RFFL: variants seen among roughly 807,000 people sequenced by gnomAD.
RFFL encodes E3 ubiquitin-protein ligase rififylin.
Under a neutral mutation model 40.4 loss-of-function variants are expected in RFFL, and 16 were observed. That is an observed-to-expected ratio of 0.40 (90% CI 0.27 to 0.60). The LOEUF is 0.60. RFFL is among the 20% of genes least tolerant of loss of function. RFFL has a pLI of 0.47. For synonymous variants in RFFL, 154 were observed against 167.9 expected (o/e 0.92, Z 0.64); for missense variants, 367 against 451.7 (o/e 0.81, Z 1.70).
intron 1 of RFFL, among the ~76,000 whole-genome samples, chr17:35,070,953 T>G (rs1475995665): frequency 6.6e-6 from 1 of 152,172 alleles, no homozygotes; most frequent in African/African-American, 2.4e-5. Context: ...TTGCAGCACT[T>G]TGGGAGGCCA....
intron 1 of RFFL, among the ~76,000 whole-genome samples, chr17:35,079,170 G>A (rs933033027): frequency 1.3e-5 from 2 of 152,014 alleles, no homozygotes; most frequent in Non-Finnish European, 2.9e-5. Context: ...TTACAGGCAC[G>A]CACCACCATG....
Position 35,028,799 on chromosome 17 carries a change from T to G in RFFL, c.-8-2238A>C, listed in dbSNP as rs376739762. On this transcript the variant is annotated intron_variant, in intron 1 of 6. Coordinates refer to ENST00000394597, the MANE Select transcript of RFFL (RefSeq NM_001017368.2). The stretch of plus-strand genomic sequence containing the variant: ...AGGGGAAGTAACTTCCTAGGTCAAA[T>G]AGCTCATAACCTCAGGCCTCTTCAC... 2.7e-3 allele frequency among the ~76,000 whole-genome samples: 412 copies of G among 152,060 alleles called. 12 individuals are homozygous for G. Among genetic ancestry groups the G allele is most frequent in the African/African-American group, 9.6e-3 (397 of 41,352 alleles).
chr17:35,086,475 T>C (rs1241748735), intron 1 of RFFL, among the ~76,000 whole-genome samples: 5 of 64,808 alleles, frequency 7.7e-5, no homozygotes, highest in Non-Finnish European at 1.1e-4. Flanking sequence ...GAGACCCCCA[T>C]CTCAATTAAA....
intron 1 of RFFL, among the ~76,000 whole-genome samples, chr17:35,071,560 G>A (rs2091350893): frequency 1.3e-5 from 2 of 151,976 alleles, no homozygotes; most frequent in Non-Finnish European, 2.9e-5. Context: ...AGAGGTTGCA[G>A]TGAGCTGAGA....
intron 1 of RFFL, among the ~76,000 whole-genome samples, chr17:35,059,019 T>A (rs1194113945): frequency 7.3e-6 from 1 of 136,154 alleles, no homozygotes; most frequent in African/African-American, 3.0e-5. Flanking sequence ...GAGCTAGAAT[T>A]TTTTTTTTTT....
At chr17:35,066,803 G>A (rs148736012), upstream of RFFL, among the ~76,000 whole-genome samples, 29 of 151,808 alleles carry the variant, frequency 1.9e-4, no homozygotes, top group East Asian at 4.8e-3. Flanking sequence ...AGGAATCAGT[G>A]CCTGTCTCAC....
At chr17:35,079,303 C>A (rs974634889) in intron 1 of RFFL, among the ~76,000 whole-genome samples, 1 of 152,120 alleles carries the variant, frequency 6.6e-6, no homozygotes, top group Non-Finnish European at 1.5e-5. Context: ...GGATTACAGG[C>A]GTGAGCCACC....
At chr17:35,065,271 G>C (rs2091314292), upstream of RFFL, among the ~76,000 whole-genome samples, 1 of 151,988 alleles carries the variant, frequency 6.6e-6, no homozygotes, top group Non-Finnish European at 1.5e-5. Context: ...CTTTAAATAA[G>C]AGGGCCGGGC....
At chr17:35,086,251 G>A (rs557012703) in intron 1 of RFFL, among the ~76,000 whole-genome samples, 34 of 152,174 alleles carry the variant, frequency 2.2e-4, no homozygotes, top group African/African-American at 7.0e-4. Context: ...TTGGGAGGCC[G>A]AGGCCAGAGG....
chr17:35,015,297 A>G (rs904457967), intron 5 of RFFL, among the ~76,000 whole-genome samples: 2 of 152,250 alleles, frequency 1.3e-5, no homozygotes, highest in African/African-American at 4.8e-5. Context: ...GTATTCCACC[A>G]GTTTGCACAA....
intron 1 of RFFL, among the ~76,000 whole-genome samples, chr17:35,028,648 T>C (rs1293542331): frequency 6.6e-6 from 1 of 152,044 alleles, no homozygotes; most frequent in Admixed American, 6.5e-5. Flanking sequence ...GTTCACACAA[T>C]AGAATGCTCT....
rs1294834675 is a variant in RFFL, at chr17:35,048,206, TC to T, written c.-9+15369del. On this transcript the variant is annotated intron_variant, in intron 1 of 6. Transcript: ENST00000394597. Reference sequence around the variant, plus strand: ...TCGTGAGGTCAGGAGATCAAGACCATCCTGGCTAACACGGTGAAACCCCGTC... The same window carrying T: ...TCGTGAGGTCAGGAGATCAAGACCATCTGGCTAACACGGTGAAACCCCGTC... Among the ~76,000 whole-genome samples, 3 of 150,766 alleles carry T rather than the reference TC, an allele frequency of 2.0e-5. No homozygotes were observed. In the East Asian group the frequency reaches 6.1e-4, roughly 31 times the overall value.
chr17:35,012,032 C>T lies in RFFL; in HGVS notation c.1028G>A (p.Arg343His), dbSNP rs777744327. 11 of 1,614,044 alleles carry T rather than the reference C, an allele frequency of 6.8e-6. No individual in the cohort carries two copies. The highest frequency in any genetic ancestry group is 2.2e-5 in the East Asian group (1 of 44,904). The change falls in exon 7 of 7, where the codon CGC becomes CAC. Residue 343 changes from arginine (R) to histidine (H), a missense_variant. Coordinates refer to ENST00000394597, the MANE Select transcript of RFFL (RefSeq NM_001017368.2). ...CCGGCAGATGGGACATTCATTCATG[C>T]GCTTGCCACACTTGGTACAGGTTAC... ...HMVTCTKCGK[R>H]MNECPICRQY...
intron 1 of RFFL, chr17:35,069,269 T>A (rs779696554): frequency 2.8e-5 from 13 of 456,602 alleles, no homozygotes; most frequent in South Asian, 2.0e-4. Context: ...TGGTTTCCAC[T>A]AATAATGCCC....
intron 1 of RFFL, chr17:35,077,110 TATA>T (rs1334751865): frequency 6.6e-6 from 1 of 151,038 alleles, no homozygotes; most frequent in Non-Finnish European, 1.4e-5. Flanking sequence ...ATAAATTATT[TATA>T]ATAATTAAAT....
intron 1 of RFFL, among the ~76,000 whole-genome samples, chr17:35,063,342 C>T (rs1235026087): frequency 6.6e-6 from 1 of 150,878 alleles, no homozygotes; most frequent in Non-Finnish European, 1.5e-5. Context: ...ATAATCCCAG[C>T]TACTTGGGAG....
chr17:35,067,747 G>T (rs912699730), upstream of RFFL, among the ~76,000 whole-genome samples: 1 of 152,112 alleles, frequency 6.6e-6, no homozygotes, highest in Non-Finnish European at 1.5e-5. Context: ...GAGCCACTGC[G>T]CCCGGCCTTC....
chr17:35,032,890 A>C lies in RFFL; in HGVS notation c.-8-6329T>G, dbSNP rs1013011106. On this transcript the variant is annotated intron_variant, in intron 1 of 6. Coordinates refer to ENST00000394597, the MANE Select transcript of RFFL (RefSeq NM_001017368.2). ...CGCTGTCAAATGTCTCAGAGAACAC[A>C]ATACAATGAAGAATGCAAAATGCCC... 8.5e-5 allele frequency among the ~76,000 whole-genome samples: 13 copies of C among 152,250 alleles called. 2 individuals are homozygous for C. Among genetic ancestry groups the C allele is most frequent in the African/African-American group, 2.9e-4 (12 of 41,472 alleles).
chr17:35,039,271 G>A (rs2091146927), intron 1 of RFFL, among the ~76,000 whole-genome samples: 1 of 152,136 alleles, frequency 6.6e-6, no homozygotes, highest in African/African-American at 2.4e-5. Flanking sequence ...CCAGGCTGGA[G>A]TGCAGTGGCG....
Sources: allele counts gnomAD v4.1 joint callset (sites outside exome capture counted in the v4.1 genomes callset), GRCh38; gene constraint gnomAD v4.1.1; transcripts MANE v1.5; gene names NCBI Gene and HGNC (gene_info 2026-07-23, HGNC 2026-07-21).